TSPAN18: variants seen among roughly 807,000 people sequenced by gnomAD.
The protein encoded by TSPAN18 is tetraspanin-18.
A neutral mutation model predicts 27.3 loss-of-function variants in TSPAN18; 14 were observed. The observed-to-expected ratio is 0.51, with a 90% CI of 0.34 to 0.80. The LOEUF (loss-of-function observed/expected upper bound fraction) is 0.80, where lower values mean the gene tolerates loss of function less well. Among genes scored for constraint, TSPAN18 ranks in the 30% least tolerant of loss-of-function variants. TSPAN18 has a pLI of 0.01. For synonymous variants in TSPAN18, 143 were observed against 136.5 expected (o/e 1.05, Z -0.33); for missense variants, 268 against 323.9 (o/e 0.83, Z 1.32).
At chr11:44,748,165 T>G (rs528506090) in intron 1 of TSPAN18, among the ~76,000 whole-genome samples, 1 of 152,326 alleles carries the variant, frequency 6.6e-6, no homozygotes, top group Non-Finnish European at 1.5e-5. Flanking sequence ...CTCAGCACTT[T>G]GAGAGGCCAA....
intron 1 of TSPAN18, among the ~76,000 whole-genome samples, chr11:44,757,539 A>G (rs1855360367): frequency 6.6e-6 from 1 of 152,136 alleles, no homozygotes; most frequent in Non-Finnish European, 1.5e-5. Context: ...ATGTGCCACC[A>G]TGCCCAGCTG....
At position 44,858,480 on chromosome 11, in the gene TSPAN18, G is replaced by A. The variant is rs371997524; in HGVS notation, c.-152-1848G>A. ...ATCCCCTTTCACAGATGGAGAAACT[G>A]AGGCCCCACGCAGGTGAGGGTGTGC... is the stretch of plus-strand genomic sequence containing the variant. On this transcript the variant is annotated intron_variant, in intron 2 of 9. Coordinates refer to ENST00000520358, the MANE Select transcript of TSPAN18 (RefSeq NM_130783.5). 6.6e-5 allele frequency among the ~76,000 whole-genome samples: 10 copies of A among 152,354 alleles called. No homozygotes were observed. In the South Asian group the frequency reaches 2.1e-3, roughly 32 times the overall value.
intron 3 of TSPAN18, among the ~76,000 whole-genome samples, chr11:44,894,130 C>G (rs1858952050): frequency 6.6e-6 from 1 of 152,224 alleles, no homozygotes; most frequent in East Asian, 1.9e-4. Context: ...CTGTCAAGTC[C>G]TTTCACCCTC....
chr11:44,879,335 T>G (rs1858425765), intron 3 of TSPAN18, among the ~76,000 whole-genome samples: 1 of 151,982 alleles, frequency 6.6e-6, no homozygotes, highest in Non-Finnish European at 1.5e-5. Flanking sequence ...GATTCAGCCA[T>G]GAACGAAATC....
At chr11:44,739,623 C>T (rs1311247316) in intron 1 of TSPAN18, among the ~76,000 whole-genome samples, 2 of 152,074 alleles carry the variant, frequency 1.3e-5, no homozygotes, top group Admixed American at 6.5e-5. Context: ...GGCGAGACTC[C>T]GTCTCAAAAA....
intron 2 of TSPAN18, among the ~76,000 whole-genome samples, chr11:44,823,088 A>G (rs949508895): frequency 6.6e-6 from 1 of 152,214 alleles, no homozygotes; most frequent in Non-Finnish European, 1.5e-5. Context: ...CATTCATTAC[A>G]ACATTGGAAA....
chr11:44,879,680 C>T (rs1858436593), intron 3 of TSPAN18, among the ~76,000 whole-genome samples: 1 of 152,166 alleles, frequency 6.6e-6, no homozygotes, highest in South Asian at 2.1e-4. Flanking sequence ...GTAAGCCCAA[C>T]AAGGCAGGGC....
intron 2 of TSPAN18, among the ~76,000 whole-genome samples, chr11:44,771,042 TG>T (rs1252143470): frequency 6.6e-6 from 1 of 151,822 alleles, no homozygotes; most frequent in East Asian, 1.9e-4. Flanking sequence ...GGGGTGAGGG[TG>T]GGGCTGGTCT....
chr11:44,775,517 C>CT (rs1271108295), intron 2 of TSPAN18, among the ~76,000 whole-genome samples: 1 of 152,138 alleles, frequency 6.6e-6, no homozygotes, highest in East Asian at 1.9e-4. Flanking sequence ...CCTATAGGTC[C>CT]TCTCCAGGCA....
At chr11:44,924,158 A>G (rs567302800) in intron 8 of TSPAN18, among the ~76,000 whole-genome samples, 3 of 148,988 alleles carry the variant, frequency 2.0e-5, no homozygotes, top group Non-Finnish European at 4.4e-5. Context: ...ACCCAACTCT[A>G]TGCTCAGACA....
intron 2 of TSPAN18, among the ~76,000 whole-genome samples, chr11:44,857,844 C>A (rs1041078574): frequency 2.0e-5 from 3 of 152,132 alleles, no homozygotes; most frequent in Non-Finnish European, 4.4e-5. Context: ...CTGAATCCCT[C>A]CCCCCGATAC....
At position 44,741,489 on chromosome 11, in the gene TSPAN18, C is replaced by A. The variant is rs1295279989; in HGVS notation, c.-240+14202C>A. On this transcript the variant is annotated intron_variant, in intron 1 of 9. Coordinates refer to ENST00000520358, the MANE Select transcript of TSPAN18 (RefSeq NM_130783.5). The stretch of plus-strand genomic sequence containing the variant: ...TGTGTGTGTGTGTAAAGAAAAATGA[C>A]CTTACTGATAGAATATTTTTGGAAA... 2.2e-5 allele frequency among the ~76,000 whole-genome samples: 3 copies of A among 136,318 alleles called. No homozygotes were observed. In the Admixed American group the frequency reaches 2.4e-4, roughly 11 times the overall value. The allele number at this position is 136,318 out of a possible 152,430, so 89.4% of individuals were successfully genotyped here.
chr11:44,783,870 A>AT (rs1293785846), intron 2 of TSPAN18, among the ~76,000 whole-genome samples: 1 of 151,898 alleles, frequency 6.6e-6, no homozygotes, highest in African/African-American at 2.4e-5. Context: ...CACAGAGGCT[A>AT]TTTTCTGGAA....
intron 3 of TSPAN18, among the ~76,000 whole-genome samples, chr11:44,898,063 T>C (rs1859127686): frequency 6.6e-6 from 1 of 152,210 alleles, no homozygotes; most frequent in African/African-American, 2.4e-5. Context: ...GATATATAAT[T>C]GAGGACCCAC....
chr11:44,904,036 G>A (rs1373046475), intron 3 of TSPAN18: 1 of 366,018 alleles, frequency 2.7e-6, no homozygotes, highest in East Asian at 7.4e-5. Context: ...ATGATCTCAG[G>A]AAAACCCTGA....
intron 3 of TSPAN18, among the ~76,000 whole-genome samples, chr11:44,871,055 G>C (rs991359344): frequency 6.6e-6 from 1 of 152,172 alleles, no homozygotes; most frequent in African/African-American, 2.4e-5. Flanking sequence ...AGAGCTTGTA[G>C]GGAAGAGTTT....
chr11:44,761,909 G>T (rs1472472462), intron 1 of TSPAN18, among the ~76,000 whole-genome samples: 1 of 152,182 alleles, frequency 6.6e-6, no homozygotes, highest in Non-Finnish European at 1.5e-5. Context: ...AGTCCCACAC[G>T]CCTCCCTTTG....
intron 1 of TSPAN18, among the ~76,000 whole-genome samples, chr11:44,761,669 G>A (rs185136023): frequency 1.3e-5 from 2 of 152,278 alleles, no homozygotes; most frequent in East Asian, 1.9e-4. Flanking sequence ...CATGCAGCCC[G>A]CAGCTCCTTC....
intron 3 of TSPAN18, among the ~76,000 whole-genome samples, chr11:44,898,649 A>C (rs887641980): frequency 6.6e-6 from 1 of 152,192 alleles, no homozygotes; most frequent in African/African-American, 2.4e-5. Context: ...CAGAGTTCTA[A>C]GGCGGTGCAG....
Sources: gnomAD v4.1 joint callset for allele counts (sites outside exome capture counted in the v4.1 genomes callset) on GRCh38, gnomAD v4.1.1 for gene constraint, MANE v1.5 for transcripts, NCBI Gene and HGNC (gene_info 2026-07-23, HGNC 2026-07-21) for gene names.